Variants in PCNX2 observed in about 807,000 individuals in gnomAD.
The protein encoded by PCNX2 is pecanex 2.
PCNX2 carries 168 observed loss-of-function variants against 223.8 expected under a neutral mutation model. The observed-to-expected ratio is 0.75, with a 90% CI of 0.66 to 0.85. The LOEUF is 0.85. Among genes scored for constraint, PCNX2 ranks in the 40% least tolerant of loss-of-function variants. PCNX2 has a pLI of 0.00. For missense variants in PCNX2, 2,507 were observed against 2,675.5 expected, an observed-to-expected ratio of 0.94 and a Z score of 1.39; for synonymous variants, 1,006 against 1,052.6, an observed-to-expected ratio of 0.96 and a Z score of 0.86.
At chr1:233,219,151 T>C (rs779685872) in intron 10 of PCNX2, among the ~76,000 whole-genome samples, 4 of 151,872 alleles carry the variant, frequency 2.6e-5, no homozygotes, top group Non-Finnish European at 5.9e-5. Flanking sequence ...CAAAGGACAA[T>C]GTAAGGCTGT....
At chr1:233,262,643 T>C (rs1660116954) in intron 2 of PCNX2, among the ~76,000 whole-genome samples, 1 of 152,236 alleles carries the variant, frequency 6.6e-6, no homozygotes. Flanking sequence ...TACTCTGGCA[T>C]GCTCTAAGCA....
At chr1:233,151,118 G>A (rs976786221) in intron 19 of PCNX2, among the ~76,000 whole-genome samples, 5 of 152,110 alleles carry the variant, frequency 3.3e-5, no homozygotes, top group Non-Finnish European at 2.9e-5. Flanking sequence ...GACATAGCAG[G>A]TGCTCAATAA....
chr1:233,254,301 A>G (rs1037896335), intron 5 of PCNX2, among the ~76,000 whole-genome samples: 3 of 152,208 alleles, frequency 2.0e-5, no homozygotes, highest in Non-Finnish European at 4.4e-5. Context: ...ACAGTTTTCC[A>G]GAAACACATT....
At position 233,113,764 on chromosome 1, in the gene PCNX2, T is replaced by C. The variant is rs575142194; in HGVS notation, c.3838-17901A>G. 2.0e-5 allele frequency among the ~76,000 whole-genome samples: 3 copies of C among 152,350 alleles called. No individual in the cohort carries two copies. The South Asian group carries it at 6.2e-4, about 32-fold the overall frequency. Reference sequence around the variant, plus strand: ...TGGGTGGCAGCTGAGAGTGCAAATGTATCCCTGAAAGCCCAGAAAATGTGT... The same window carrying C: ...TGGGTGGCAGCTGAGAGTGCAAATGCATCCCTGAAAGCCCAGAAAATGTGT... On this transcript the variant is annotated intron_variant, in intron 21 of 33. Coordinates refer to ENST00000258229, the MANE Select transcript of PCNX2 (RefSeq NM_014801.4).
intron 25 of PCNX2, among the ~76,000 whole-genome samples, chr1:233,044,961 A>T (rs1056282436): frequency 6.6e-6 from 1 of 152,044 alleles, no homozygotes; most frequent in Admixed American, 6.6e-5. Context: ...GAGCCACCAC[A>T]CCCGTCCTAT....
At chr1:233,169,451 C>T (rs1679012271) in intron 17 of PCNX2, among the ~76,000 whole-genome samples, 1 of 151,636 alleles carries the variant, frequency 6.6e-6, no homozygotes, top group African/African-American at 2.4e-5. Flanking sequence ...TCGAGACCAT[C>T]CTGGCTAACA....
chr1:232,994,242 C>T (rs1329711299), intron 32 of PCNX2, among the ~76,000 whole-genome samples: 1 of 152,244 alleles, frequency 6.6e-6, no homozygotes, highest in African/African-American at 2.4e-5. Flanking sequence ...CCATGCAGAG[C>T]TGCCCAAGGC....
At chr1:233,101,945 CAA>C (rs1470492636) in intron 21 of PCNX2, among the ~76,000 whole-genome samples, 1 of 152,198 alleles carries the variant, frequency 6.6e-6, no homozygotes, top group Non-Finnish European at 1.5e-5. Context: ...ACCAAAACCT[CAA>C]GTCCTCATAA....
At chr1:233,235,598 G>GTGTTTGTT (rs58700930) in intron 9 of PCNX2, among the ~76,000 whole-genome samples, 9,940 of 151,934 alleles carry the variant, frequency 0.065, 990 homozygotes, top group African/African-American at 0.22. Flanking sequence ...AATGTATTTT[G>GTGTTTGTT]TGTTTGTTTG....
In PCNX2 at chr1:233,137,894, T is replaced by C. The variant is rs532256403; in HGVS notation, c.3659+1820A>G. On this transcript the variant is annotated intron_variant, in intron 20 of 33. Transcript: ENST00000258229. ...TTACTAGTGGTTTGCTATTGAAAAG[T>C]TGAATAAGAAACAGTGCCTGCTGTT... 4.6e-5 allele frequency among the ~76,000 whole-genome samples: 7 copies of C among 152,298 alleles called. No individual in the cohort carries two copies. In the South Asian group the frequency reaches 1.0e-3, roughly 23 times the overall value.
intron 4 of PCNX2, chr1:233,259,949 T>C (rs1659961768): frequency 1.0e-5 from 5 of 491,096 alleles, no homozygotes; most frequent in Non-Finnish European, 1.3e-5. Flanking sequence ...GTATTATAAA[T>C]AATTTAGAGA....
chr1:233,054,022 TG>T (rs1416074820), intron 25 of PCNX2, among the ~76,000 whole-genome samples: 1 of 152,194 alleles, frequency 6.6e-6, no homozygotes, highest in Non-Finnish European at 1.5e-5. Context: ...ATCAATATCC[TG>T]ATTTGCTAAT....
intron 21 of PCNX2, among the ~76,000 whole-genome samples, chr1:233,112,554 A>G (rs954403263): frequency 1.2e-4 from 18 of 152,208 alleles, no homozygotes; most frequent in African/African-American, 4.3e-4. Context: ...AATTCTCTCT[A>G]TTAATGAAGG....
At chr1:233,191,755 G>T (rs1427883052) in intron 15 of PCNX2, among the ~76,000 whole-genome samples, 1 of 152,214 alleles carries the variant, frequency 6.6e-6, no homozygotes, top group African/African-American at 2.4e-5. Flanking sequence ...AGAAGGGCTG[G>T]AAGTGAGTAT....
At chr1:233,066,476 G>C (rs1184849760) in intron 23 of PCNX2, among the ~76,000 whole-genome samples, 1 of 152,210 alleles carries the variant, frequency 6.6e-6, no homozygotes, top group Non-Finnish European at 1.5e-5. Context: ...GGCACTTAAG[G>C]CAGAAGCTGC....
Position 233,200,181 on chromosome 1 carries a change from T to C in PCNX2, c.2947A>G (p.Ile983Val), listed in dbSNP as rs1311690651. 1 of 1,591,914 alleles carries C rather than the reference T, an allele frequency of 6.3e-7. No individual in the cohort carries two copies. The highest frequency in any genetic ancestry group is 8.6e-7 in the Non-Finnish European group (1 of 1,168,510). The part of the protein sequence containing the change: ...NTFCTYLLEQ[I>V]DMLFFGGSAV... ...GAACCACCAAAAAACAGCATGTCAA[T>C]TTGCTCCAAAAGATAAGTGCAGAAA... The change falls in exon 14 of 34, where the codon ATT (isoleucine) becomes GTT (valine). Residue 983 changes from isoleucine (I) to valine (V), a missense_variant. Transcript: ENST00000258229.
Position 232,998,492 on chromosome 1 carries a change from C to T in PCNX2, c.5604-54G>A, listed in dbSNP as rs766373057. ...TCTCAGCAACACACTTCCAATCCCC[C>T]TAAATGCACCACCATGGCCTTGCCT... On this transcript the variant is annotated intron_variant, in intron 31 of 33. Coordinates refer to ENST00000258229, the MANE Select transcript of PCNX2 (RefSeq NM_014801.4). 227 of 1,581,134 alleles carry T rather than the reference C, an allele frequency of 1.4e-4. No homozygotes were observed. In the Middle Eastern group the frequency reaches 2.3e-3, roughly 16 times the overall value.
At chr1:233,268,337 TAA>T (rs1273070092) in intron 1 of PCNX2, among the ~76,000 whole-genome samples, 1 of 152,136 alleles carries the variant, frequency 6.6e-6, no homozygotes, top group African/African-American at 2.4e-5. Flanking sequence ...CCTGGAGAGA[TAA>T]AAAATCTGGC....
chr1:233,326,526 T>C, the PCNX2 span, among the ~76,000 whole-genome samples: 2 of 152,204 alleles, frequency 1.3e-5, no homozygotes, highest in Non-Finnish European at 2.9e-5. Context: ...TCCCATTTTA[T>C]AGATGAGAAA....
Sources: allele counts gnomAD v4.1 joint callset (sites outside exome capture counted in the v4.1 genomes callset), GRCh38; gene constraint gnomAD v4.1.1; transcripts MANE v1.5; gene names NCBI Gene and HGNC (gene_info 2026-07-23, HGNC 2026-07-21).